DDC: variants seen among roughly 807,000 people sequenced by gnomAD.
DDC encodes the protein dopa decarboxylase.
A neutral mutation model predicts 60.0 loss-of-function variants in DDC; 43 were observed. The observed-to-expected ratio is 0.72, with a 90% CI of 0.56 to 0.92. The LOEUF is 0.92. DDC is among the 40% of genes least tolerant of loss of function. The probability of loss-of-function intolerance (pLI) is 0.00; values close to 1 mark genes in which losing one functional copy is unlikely to be tolerated. For missense variants in DDC, 573 were observed against 620.2 expected (o/e 0.92, Z 0.81); for synonymous variants, 232 against 234.6 (o/e 0.99, Z 0.10).
intron 4 of DDC, among the ~76,000 whole-genome samples, chr7:50,532,660 T>C (rs1164828111): frequency 2.0e-5 from 3 of 152,232 alleles, no homozygotes; most frequent in Non-Finnish European, 2.9e-5. Flanking sequence ...AGACATAGGC[T>C]AAAACATAGC....
intron 9 of DDC, chr7:50,492,958 A>C (rs774148212): frequency 6.3e-7 from 1 of 1,598,346 alleles, no homozygotes; most frequent in South Asian, 1.1e-5. Context: ...CACCGCACTG[A>C]CTAAGCAGGT....
chr7:50,543,745 T>C (rs1386115705), intron 2 of DDC, 140 bp downstream of exon 2: 2 of 850,798 alleles, frequency 2.4e-6, no homozygotes, highest in Non-Finnish European at 1.9e-6. Flanking sequence ...TCCTCAGTTG[T>C]AAAATAGAAA....
chr7:50,492,593 A>C (rs1157322779), intron 9 of DDC: 4 of 812,608 alleles, frequency 4.9e-6, no homozygotes, highest in Non-Finnish European at 6.4e-6. Flanking sequence ...GATGGGAACT[A>C]ACCCCATCAC....
chr7:50,548,796 A>G (rs1029189139), intron 1 of DDC, among the ~76,000 whole-genome samples: 8 of 152,234 alleles, frequency 5.3e-5, no homozygotes, highest in Non-Finnish European at 1.2e-4. Context: ...ATAGCCTTCT[A>G]TTGGAACAAG....
intron 9 of DDC, chr7:50,493,036 CCTT>C (rs759135372): frequency 4.4e-5 from 68 of 1,551,704 alleles, no homozygotes; most frequent in African/African-American, 6.8e-5. Context: ...TCATTACACT[CCTT>C]CTTATCGTGT....
At chr7:50,541,004 A>G (rs2044612454) in intron 2 of DDC, among the ~76,000 whole-genome samples, 1 of 152,196 alleles carries the variant, frequency 6.6e-6, no homozygotes, top group Non-Finnish European at 1.5e-5. Context: ...GTTCCTGCCA[A>G]TGCAGTACCT....
chr7:50,518,479 T>G (rs141033874), intron 6 of DDC, among the ~76,000 whole-genome samples: 1,911 of 152,260 alleles, frequency 0.013, 37 homozygotes, highest in African/African-American at 0.044. Context: ...CACTACCTGA[T>G]TTCAAACTAT....
At chr7:50,492,848 G>T (rs1048660244) in intron 9 of DDC, 2 of 1,550,724 alleles carry the variant, frequency 1.3e-6, no homozygotes, top group East Asian at 2.4e-5. Flanking sequence ...GCGCACAGCC[G>T]CCAACTTGCT....
intron 4 of DDC, chr7:50,531,780 C>T (rs1002611021): frequency 1.3e-5 from 2 of 152,176 alleles, no homozygotes; most frequent in East Asian, 3.9e-4. Flanking sequence ...AGCAGATCTT[C>T]GCGGAGAGAA....
At chr7:50,532,107 GTGATTACAGC>G (rs1173643514) in intron 4 of DDC, among the ~76,000 whole-genome samples, 3 of 152,224 alleles carry the variant, frequency 2.0e-5, no homozygotes, top group Non-Finnish European at 4.4e-5. Flanking sequence ...GCCCACAGCT[GTGATTACAGC>G]TCTGAGGGGA....
intron 1 of DDC, among the ~76,000 whole-genome samples, chr7:50,555,946 GAA>G (rs1312528906): frequency 6.6e-6 from 1 of 152,236 alleles, no homozygotes. Context: ...ATCAGTTGAT[GAA>G]AAGAGCATGG....
chr7:50,485,734 A>G (rs907119608), intron 9 of DDC, among the ~76,000 whole-genome samples: 1 of 152,074 alleles, frequency 6.6e-6, no homozygotes, highest in Non-Finnish European at 1.5e-5. Flanking sequence ...TAGACTGTCA[A>G]AATATTTATT....
chr7:50,474,179 GCTAGTAGAGATAA>G (rs1262557725), intron 11 of DDC, among the ~76,000 whole-genome samples: 7 of 152,258 alleles, frequency 4.6e-5, no homozygotes, highest in South Asian at 2.1e-4. Context: ...CTTTCATTAA[GCTAGTAGAGATAA>G]CTAGTAGAGA....
chr7:50,520,754 A>G (rs2043866574), intron 6 of DDC, among the ~76,000 whole-genome samples: 1 of 152,106 alleles, frequency 6.6e-6, no homozygotes, highest in Non-Finnish European at 1.5e-5. Context: ...TCTCTACTAA[A>G]AATACAAAAA....
At chr7:50,550,847 A>G (rs1026240941) in intron 1 of DDC, among the ~76,000 whole-genome samples, 14 of 152,230 alleles carry the variant, frequency 9.2e-5, no homozygotes, top group African/African-American at 3.4e-4. Context: ...TCCCAGCTTG[A>G]AAGGGCCTAA....
intron 9 of DDC, among the ~76,000 whole-genome samples, chr7:50,486,630 T>A (rs746076799): frequency 2.6e-5 from 4 of 152,152 alleles, no homozygotes; most frequent in African/African-American, 2.4e-5. Flanking sequence ...ATGTTGAAGC[T>A]CCACCTCCCA....
At chr7:50,479,758 A>C in intron 10 of DDC, 29 bp downstream of exon 10, 2 of 1,602,226 alleles carry the variant, frequency 1.2e-6, no homozygotes, top group South Asian at 2.2e-5. Flanking sequence ...GACCAGAAAC[A>C]GTCCACAGAA....
At chr7:50,541,295 C>G (rs1293387625) in intron 2 of DDC, 1 of 152,366 alleles carries the variant, frequency 6.6e-6, no homozygotes, top group Non-Finnish European at 1.5e-5. Context: ...TCCCTGGGCC[C>G]TGTCATCCCT....
chr7:50,460,056 TGG>T (rs1318436052), intron 14 of DDC, among the ~76,000 whole-genome samples: 2 of 82,028 alleles, frequency 2.4e-5, no homozygotes, highest in Admixed American at 1.2e-4. Context: ...GGGAAGGAGG[TGG>T]GGGGGGTCAG....
Sources: gnomAD v4.1 joint callset for allele counts (sites outside exome capture counted in the v4.1 genomes callset) on GRCh38, gnomAD v4.1.1 for gene constraint, MANE v1.5 for transcripts, NCBI Gene and HGNC (gene_info 2026-07-23, HGNC 2026-07-21) for gene names.